Variants in RNFT2 observed in about 807,000 individuals in gnomAD.
RNFT2 encodes ring finger protein, transmembrane 2.
In RNFT2, 36 loss-of-function variants were observed where a neutral mutation model predicts 53.0. The observed-to-expected ratio is 0.68, with a 90% confidence interval of 0.52 to 0.90. The LOEUF is 0.90. Among genes scored for constraint, RNFT2 ranks in the 40% least tolerant of loss-of-function variants. The probability of loss-of-function intolerance (pLI) is 0.00; values close to 1 mark genes in which losing one functional copy is unlikely to be tolerated. For missense variants in RNFT2, 514 were observed against 585.6 expected (o/e 0.88, Z 1.26); for synonymous variants, 260 against 253.2 (o/e 1.03, Z -0.26).
chr12:116,799,750 TC>T (rs1335046399), intron 7 of RNFT2, among the ~76,000 whole-genome samples: 2 of 151,824 alleles, frequency 1.3e-5, no homozygotes, highest in Non-Finnish European at 2.9e-5. Context: ...TGAGGTCACC[TC>T]GTGTCTACTA....
chr12:116,852,925 A>G lies in RNFT2; in HGVS notation c.*3477A>G. 2 of 597,820 alleles carry G rather than the reference A, an allele frequency of 3.3e-6. No individual in the cohort carries two copies. The highest frequency in any genetic ancestry group is 5.9e-6 in the Non-Finnish European group (2 of 338,182). The allele number at this position is 597,820 out of a possible 1,614,324, so 37.0% of individuals were successfully genotyped here. ...GCCCATGCCACCAAAACAATAAAAC[A>G]AAATTCTCTAACACTGCAAAGAGTG... is the stretch of plus-strand genomic sequence containing the variant. On this transcript the variant is annotated 3_prime_UTR_variant, in exon 11 of 11. Coordinates refer to ENST00000257575, the MANE Select transcript of RNFT2 (RefSeq NM_001382266.1).
At chr12:116,814,606 C>A (rs989371192) in intron 7 of RNFT2, among the ~76,000 whole-genome samples, 1 of 152,122 alleles carries the variant, frequency 6.6e-6, no homozygotes, top group African/African-American at 2.4e-5. Context: ...AGGGGCAGGG[C>A]AACTTCATGG....
Position 116,833,870 on chromosome 12 carries a change from A to T in RNFT2, c.961A>T (p.Ile321Phe). The T allele has an allele frequency of 6.2e-7, 1 of 1,613,286 alleles. No individual in the cohort carries two copies. Among genetic ancestry groups the T allele is most frequent in the Non-Finnish European group, 8.5e-7 (1 of 1,179,634 alleles). The change falls in exon 8 of 11, where the codon ATC becomes TTC. Residue 321 changes from isoleucine to phenylalanine, a missense_variant. Ile to Phe is a conservative substitution (Grantham distance 21). Around this residue, in one of 3 missense-constraint regions of RNFT2, gnomAD observed 273 missense variants for 334.4 expected, o/e 0.82. Coordinates refer to ENST00000257575, the MANE Select transcript of RNFT2 (RefSeq NM_001382266.1). ...CCCCATCCAGCTGTGGTACAAATAC[A>T]TCATGGGTGACGACTCCTCCAACAG... ...LVPIQLWYKY[I>F]MGDDSSNSYF...
intron 4 of RNFT2, among the ~76,000 whole-genome samples, chr12:116,750,903 T>TTTTTTTTTTG (rs1872217168): frequency 1.9e-5 from 1 of 52,194 alleles, no homozygotes; most frequent in Non-Finnish European, 3.9e-5. Context: ...TATATATATA[T>TTTTTTTTTTG]ATATATTTTT....
Position 116,740,502 on chromosome 12 carries a change from G to C in RNFT2, c.5G>C (p.Trp2Ser). The change falls in exon 2 of 11, where the codon TGG (tryptophan) becomes TCG (serine). Residue 2 changes from tryptophan to serine, a missense_variant. By Grantham distance (177) the Trp-to-Ser change is radical (BLOSUM62 -3). Around this residue, in one of 3 missense-constraint regions of RNFT2, gnomAD observed 237 missense variants for 235.1 expected, o/e 1.01. Coordinates refer to ENST00000257575, the MANE Select transcript of RNFT2 (RefSeq NM_001382266.1). ...CAACATGGAGTTCTGAAGTCCATGT[G>C]GCTCTTCACAGTGAATCAGGTGACA... M[W>S]LFTVNQVLRK... 6.4e-7 allele frequency: 1 copy of C among 1,573,918 alleles called. No individual in the cohort carries two copies. Among genetic ancestry groups the C allele is most frequent in the Non-Finnish European group, 8.6e-7 (1 of 1,158,524 alleles).
intron 7 of RNFT2, among the ~76,000 whole-genome samples, chr12:116,785,075 T>C (rs909579411): frequency 1.3e-5 from 2 of 152,034 alleles, no homozygotes; most frequent in African/African-American, 4.8e-5. Context: ...CACGCCTTGG[T>C]TCCCCCTCTG....
chr12:116,837,944 A>G (rs2137209171), intron 10 of RNFT2, among the ~76,000 whole-genome samples: 1 of 152,316 alleles, frequency 6.6e-6, no homozygotes, highest in Non-Finnish European at 1.5e-5. Context: ...AAAATCTTTG[A>G]AAGATATAAA....
At position 116,849,207 on chromosome 12, in the gene RNFT2, C is replaced by T. The variant is rs527717423; in HGVS notation, c.1201-107C>T. ...CTCCCCAACGCGAGTGCAGGCGCCCCGAAGGCAGGGGTTGTCTGTCTAGTC... is the reference window on the plus strand; with the variant it reads ...CTCCCCAACGCGAGTGCAGGCGCCCTGAAGGCAGGGGTTGTCTGTCTAGTC... On this transcript the variant is annotated intron_variant, in intron 10 of 10. Coordinates refer to ENST00000257575, the MANE Select transcript of RNFT2 (RefSeq NM_001382266.1). The T allele has an allele frequency of 3.4e-4, 303 of 893,520 alleles. 1 individual carries two copies. Among genetic ancestry groups the T allele is most frequent in the Non-Finnish European group, 4.9e-4 (290 of 596,844 alleles). 55.3% of individuals were successfully genotyped at this position (893,520 alleles called of 1,614,324 possible). A position where few individuals can be genotyped will look rare whatever the true frequency, so the allele number is the denominator to read the frequency against.
At chr12:116,833,045 C>T (rs548065874) in intron 7 of RNFT2, among the ~76,000 whole-genome samples, 40 of 151,936 alleles carry the variant, frequency 2.6e-4, no homozygotes, top group Admixed American at 7.9e-4. Flanking sequence ...GAGTAGCCTC[C>T]GAGTAGCTGG....
In RNFT2 at chr12:116,833,788, G is replaced by A. The variant is rs1328642482; in HGVS notation, c.883-4G>A. The A allele has an allele frequency of 6.2e-7, 1 of 1,613,032 alleles. No homozygotes were observed. The highest frequency in any genetic ancestry group is 2.2e-5 in the East Asian group (1 of 44,808). ...AATAATTGATGTTCTCTGTGTGGTT[G>A]CAGGGAAAGTTCTATCTGGTCATCG... On this transcript the variant is annotated splice_region_variant and splice_polypyrimidine_tract_variant and intron_variant, in intron 7 of 10. Coordinates refer to ENST00000257575, the MANE Select transcript of RNFT2 (RefSeq NM_001382266.1).
intron 7 of RNFT2, among the ~76,000 whole-genome samples, chr12:116,816,045 G>C (rs1490532912): frequency 1.3e-5 from 2 of 152,202 alleles, no homozygotes; most frequent in African/African-American, 4.8e-5. Context: ...CAGAGCATTT[G>C]TGCTTAAGAC....
chr12:116,772,219 A>G (rs570765878), intron 6 of RNFT2, among the ~76,000 whole-genome samples: 10 of 152,280 alleles, frequency 6.6e-5, no homozygotes, highest in Admixed American at 3.3e-4. Context: ...AGCCTCCCAA[A>G]GTGCTGGGAA....
chr12:116,771,486 A>T (rs377578957), intron 6 of RNFT2, among the ~76,000 whole-genome samples: 12,620 of 99,720 alleles, frequency 0.13, 2,177 homozygotes, highest in East Asian at 0.16. Flanking sequence ...AAAAAAAAAA[A>T]AAAAAAAAAT....
rs1566069311 is a variant in RNFT2 at position 116,750,821 on chromosome 12, ATATATATAATATATATATTATATATATAT to A, written c.550+515_550+543del. Among the ~76,000 whole-genome samples the A allele has an allele frequency of 5.0e-3, 25 of 5,016 alleles. 1 individual carries two copies. The highest frequency in any genetic ancestry group is 6.5e-3 in the African/African-American group (25 of 3,856). The allele number at this position is 5,016 out of a possible 152,430, so 3.3% of individuals were successfully genotyped here. A position where few individuals can be genotyped will look rare whatever the true frequency, so the allele number is the denominator to read the frequency against. On this transcript the variant is annotated intron_variant, in intron 4 of 10. Coordinates refer to ENST00000257575, the MANE Select transcript of RNFT2 (RefSeq NM_001382266.1). ...TGTATATATATATAATATATATATT[ATATATATAATATATATATTATATATATAT>A]AATATATATTATATATATATAATAT... is the stretch of plus-strand genomic sequence containing the variant.
intron 10 of RNFT2, among the ~76,000 whole-genome samples, chr12:116,847,176 A>G (rs1877661570): frequency 2.0e-5 from 3 of 151,996 alleles, no homozygotes; most frequent in Non-Finnish European, 2.9e-5. Context: ...CCAAAGTGCT[A>G]GCATTACAGG....
chr12:116,842,238 C>T (rs1362160151), intron 10 of RNFT2, among the ~76,000 whole-genome samples: 3 of 151,816 alleles, frequency 2.0e-5, no homozygotes, highest in Non-Finnish European at 4.4e-5. Context: ...GTAACCTAAT[C>T]CCAGAAGGGA....
intron 7 of RNFT2, among the ~76,000 whole-genome samples, chr12:116,831,341 C>T (rs1156332978): frequency 6.6e-6 from 1 of 152,138 alleles, no homozygotes; most frequent in Non-Finnish European, 1.5e-5. Flanking sequence ...GACATCATGT[C>T]AGAGGGTTCA....
At chr12:116,767,788 C>T (rs1872983964) in intron 6 of RNFT2, among the ~76,000 whole-genome samples, 2 of 151,260 alleles carry the variant, frequency 1.3e-5, no homozygotes, top group Admixed American at 1.3e-4. Flanking sequence ...CCATATTGGT[C>T]AAGCTGGTCT....
In RNFT2 at chr12:116,818,029, A is replaced by G. The variant is rs569186258; in HGVS notation, c.883-15763A>G. ...CAATTCATGGAGAATTCGTTTAGGGAAACGGGAAAGGGCTTTCTCTGTGGG... is the reference window on the plus strand; with the variant it reads ...CAATTCATGGAGAATTCGTTTAGGGGAACGGGAAAGGGCTTTCTCTGTGGG... On this transcript the variant is annotated intron_variant, in intron 7 of 10. Coordinates refer to ENST00000257575, the MANE Select transcript of RNFT2 (RefSeq NM_001382266.1). 4.3e-4 allele frequency among the ~76,000 whole-genome samples: 66 copies of G among 152,320 alleles called. No homozygotes were observed. The South Asian group carries it at 0.013, about 31-fold the overall frequency.
Sources: allele counts gnomAD v4.1 joint callset (sites outside exome capture counted in the v4.1 genomes callset), GRCh38; gene constraint gnomAD v4.1.1; regional missense constraint gnomAD v4.1.1; transcripts MANE v1.5; gene names NCBI Gene and HGNC (gene_info 2026-07-23, HGNC 2026-07-21).